PDE4D: variants seen among roughly 807,000 people sequenced by gnomAD.
PDE4D encodes phosphodiesterase 4D.
Under a neutral mutation model 87.4 loss-of-function variants are expected in PDE4D, and 24 were observed. The observed-to-expected ratio is 0.27, with a 90% CI of 0.20 to 0.39. PDE4D has a LOEUF of 0.39. Ranked by LOEUF, PDE4D falls within the 10% of genes least tolerant of loss-of-function variation. PDE4D has a pLI of 1.00. For missense variants in PDE4D, 714 were observed against 1,041.0 expected (o/e 0.69, Z 4.32); for synonymous variants, 384 against 383.2 (o/e 1.00, Z -0.02).
intron 1 of PDE4D, among the ~76,000 whole-genome samples, chr5:60,500,295 C>T (rs564666614): frequency 6.6e-6 from 1 of 151,872 alleles, no homozygotes; most frequent in Admixed American, 6.6e-5. Flanking sequence ...GTGACAGAGA[C>T]CCAGTCTCAA....
intron 3 of PDE4D, among the ~76,000 whole-genome samples, chr5:59,983,197 G>A (rs989576691): frequency 6.6e-6 from 1 of 151,970 alleles, no homozygotes; most frequent in African/African-American, 2.4e-5. Context: ...TTCTCTGCCT[G>A]CCCTCTTAGT....
chr5:59,207,856 GT>G (rs141816425), intron 2 of PDE4D, among the ~76,000 whole-genome samples: 71 of 149,052 alleles, frequency 4.8e-4, no homozygotes, highest in Admixed American at 2.1e-3. Flanking sequence ...GATTTTTAGA[GT>G]TTTTTTTTTC....
chr5:60,488,933 T>A (rs1487363647), upstream of PDE4D, among the ~76,000 whole-genome samples: 1 of 152,200 alleles, frequency 6.6e-6, no homozygotes, highest in African/African-American at 2.4e-5. Flanking sequence ...ACTGCTCCCC[T>A]ACCCCAGGTT....
At chr5:59,054,246 C>T (rs540447074) in intron 5 of PDE4D, among the ~76,000 whole-genome samples, 3 of 152,038 alleles carry the variant, frequency 2.0e-5, no homozygotes, top group African/African-American at 7.2e-5. Flanking sequence ...CTTCTGAATC[C>T]CCAGACTCCA....
chr5:60,214,445 C>T (rs1743612492), intron 1 of PDE4D, among the ~76,000 whole-genome samples: 3 of 152,182 alleles, frequency 2.0e-5, no homozygotes, highest in South Asian at 2.1e-4. Flanking sequence ...AATGAAGATG[C>T]CCCATGTTTG....
chr5:60,186,611 G>A (rs1784803028), intron 1 of PDE4D, among the ~76,000 whole-genome samples: 1 of 152,022 alleles, frequency 6.6e-6, no homozygotes, highest in South Asian at 2.1e-4. Context: ...CTCTGATATT[G>A]CAGGTTTAGG....
intron 1 of PDE4D, among the ~76,000 whole-genome samples, chr5:59,409,709 C>A (rs1792327594): frequency 6.6e-6 from 1 of 152,192 alleles, no homozygotes; most frequent in African/African-American, 2.4e-5. Flanking sequence ...TCCTGCAGAA[C>A]TGTGAACCAA....
chr5:60,416,730 A>C (rs959048304), intron 1 of PDE4D, among the ~76,000 whole-genome samples: 5 of 152,186 alleles, frequency 3.3e-5, no homozygotes, highest in Non-Finnish European at 5.9e-5. Context: ...TTCTGGACAC[A>C]CTATCATACA....
intron 11 of PDE4D, among the ~76,000 whole-genome samples, chr5:58,982,685 G>A (rs570547241): frequency 8.2e-4 from 125 of 152,240 alleles, no homozygotes; most frequent in South Asian, 5.6e-3. Context: ...GGTGGATTGC[G>A]CACTTAGCAA....
intron 2 of PDE4D, among the ~76,000 whole-genome samples, chr5:59,996,622 CTT>C (rs1763550618): frequency 6.6e-6 from 1 of 152,128 alleles, no homozygotes; most frequent in Non-Finnish European, 1.5e-5. Flanking sequence ...TGTTTTTCCT[CTT>C]GTCTCATTAC....
chr5:60,201,744 A>C (rs1741938571), intron 1 of PDE4D, among the ~76,000 whole-genome samples: 1 of 152,214 alleles, frequency 6.6e-6, no homozygotes, highest in South Asian at 2.1e-4. Context: ...TATCCAGAAC[A>C]TTTCTGAAAG....
chr5:60,118,848 C>T lies in PDE4D; in HGVS notation c.42+66709G>A, dbSNP rs146182665. 6.2e-4 allele frequency among the ~76,000 whole-genome samples: 94 copies of T among 152,106 alleles called. No individual in the cohort carries two copies. The East Asian group carries it at 8.5e-3, about 14-fold the overall frequency. ...TCCACTGAAACAAAATCTCTGAAGACGGAGTCCTGGTATGAAGCCCTCCCA... is the reference window on the plus strand; with the variant it reads ...TCCACTGAAACAAAATCTCTGAAGATGGAGTCCTGGTATGAAGCCCTCCCA... On this transcript the variant is annotated intron_variant, in intron 2 of 16. Transcript: ENST00000502484.
intron 1 of PDE4D, among the ~76,000 whole-genome samples, chr5:59,516,332 T>C (rs1162287775): frequency 2.0e-5 from 3 of 152,196 alleles, no homozygotes; most frequent in Non-Finnish European, 4.4e-5. Context: ...CTTTAGCTTT[T>C]CCTTCTCAGT....
intron 1 of PDE4D, among the ~76,000 whole-genome samples, chr5:59,488,134 T>C (rs1187005034): frequency 7.8e-6 from 1 of 128,528 alleles, no homozygotes; most frequent in Non-Finnish European, 1.6e-5. Context: ...GAGACAGACA[T>C]CCCAGATAAA....
chr5:59,151,719 G>A lies in PDE4D; in HGVS notation c.808+28876C>T, dbSNP rs532422707. Among the ~76,000 whole-genome samples the A allele has an allele frequency of 1.9e-4, 29 of 152,244 alleles. No homozygotes were observed. In the South Asian group the frequency reaches 3.9e-3, roughly 21 times the overall value. Reference sequence around the variant, plus strand: ...TCTACCTTAGGGAGAGAGATGGTGCGAAAGCAGAAGTGAGGAATCACAGAT... The same window carrying A: ...TCTACCTTAGGGAGAGAGATGGTGCAAAAGCAGAAGTGAGGAATCACAGAT... On this transcript the variant is annotated intron_variant, in intron 5 of 14. Coordinates refer to ENST00000340635, the MANE Select transcript of PDE4D (RefSeq NM_001104631.2).
chr5:59,897,664 G>A (rs184135889), upstream of PDE4D, among the ~76,000 whole-genome samples: 374 of 150,392 alleles, frequency 2.5e-3, 1 homozygote, highest in African/African-American at 8.5e-3. Flanking sequence ...ACGTGTTCTC[G>A]TTGCTCAAGT....
intron 6 of PDE4D, among the ~76,000 whole-genome samples, chr5:59,010,024 T>C (rs1396495114): frequency 6.6e-6 from 1 of 152,126 alleles, no homozygotes; most frequent in Non-Finnish European, 1.5e-5. Flanking sequence ...GAATTCCCAG[T>C]TGTGAAAAGC....
At chr5:59,523,680 C>A (rs1342383152) in intron 1 of PDE4D, among the ~76,000 whole-genome samples, 1 of 152,198 alleles carries the variant, frequency 6.6e-6, no homozygotes. Flanking sequence ...TTTGTCAAAG[C>A]AAACTCTTTG....
chr5:60,197,304 G>C (rs571367856), intron 1 of PDE4D, among the ~76,000 whole-genome samples: 1 of 151,546 alleles, frequency 6.6e-6, no homozygotes, highest in East Asian at 1.9e-4. Flanking sequence ...ACCTTCAGAA[G>C]TTCCTTTTTA....
Sources: allele counts gnomAD v4.1 joint callset (sites outside exome capture counted in the v4.1 genomes callset), GRCh38; gene constraint gnomAD v4.1.1; transcripts MANE v1.5; gene names NCBI Gene and HGNC (gene_info 2026-07-23, HGNC 2026-07-21).